Variants in ERMP1 observed in about 807,000 individuals in gnomAD.
The protein encoded by ERMP1 is endoplasmic reticulum metallopeptidase 1.
A neutral mutation model predicts 92.0 loss-of-function variants in ERMP1; 86 were observed. The observed-to-expected ratio is 0.93, with a 90% CI of 0.79 to 1.12. ERMP1 has a LOEUF of 1.12. ERMP1 is among the 50% of genes most tolerant of loss of function. The pLI, the probability that ERMP1 is intolerant of heterozygous loss-of-function variation, is 0.00. For synonymous variants in ERMP1, 530 were observed against 412.8 expected (o/e 1.28, Z -3.44); for missense variants, 1,342 against 1,116.3 (o/e 1.20, Z -2.88).
At chr9:5,822,930 G>C (rs539251591) in intron 4 of ERMP1, among the ~76,000 whole-genome samples, 3 of 152,096 alleles carry the variant, frequency 2.0e-5, no homozygotes, top group African/African-American at 7.2e-5. Context: ...TCCAATAATG[G>C]AACACTAGGC....
Position 5,830,908 on chromosome 9 carries a change from G to T in ERMP1, c.459C>A (p.Ser153Arg). Residue 153 changes from serine to arginine, a missense_variant, in exon 2 of 15, where the codon AGC (serine) becomes AGA (arginine). Transcript: ENST00000339450. ...QIKLIEVQSN[S>R]LHKISVDVQR... ...GTACATCTACTGAAATCTTATGAAG[G>T]CTGTTGCTTTGCACTTCAATCAGTT... is the stretch of plus-strand genomic sequence containing the variant. 1 of 1,614,044 alleles carries T rather than the reference G, an allele frequency of 6.2e-7. No homozygotes were observed. The highest frequency in any genetic ancestry group is 1.1e-5 in the South Asian group (1 of 91,080).
intron 11 of ERMP1, among the ~76,000 whole-genome samples, chr9:5,799,622 T>C (rs1828591921): frequency 6.6e-6 from 1 of 152,210 alleles, no homozygotes. Flanking sequence ...GAACCATTAT[T>C]TGAACATGGC....
intron 6 of ERMP1, among the ~76,000 whole-genome samples, chr9:5,842,254 TAC>T (rs1038235107): frequency 1.8e-4 from 27 of 152,192 alleles, no homozygotes; most frequent in Middle Eastern, 3.4e-3. Flanking sequence ...GGTCCGTTTT[TAC>T]AGAGTGATGA....
upstream of ERMP1, among the ~76,000 whole-genome samples, chr9:5,833,760 C>A (rs1830043620): frequency 6.6e-6 from 1 of 152,200 alleles, no homozygotes; most frequent in Non-Finnish European, 1.5e-5. Context: ...GAATGTAAAT[C>A]TAATTTCATG....
At chr9:5,804,879 A>C (rs1281312230) in intron 10 of ERMP1, 148 bp downstream of exon 10, 3 of 641,640 alleles carry the variant, frequency 4.7e-6, no homozygotes, top group Non-Finnish European at 7.8e-6. Context: ...TACCAAATTT[A>C]CAAGATGCAT....
chr9:5,855,309 C>A (rs1830359973), intron 6 of ERMP1, among the ~76,000 whole-genome samples: 1 of 152,176 alleles, frequency 6.6e-6, no homozygotes, highest in African/African-American at 2.4e-5. Flanking sequence ...CATAGTCACT[C>A]CAGACCACTG....
intron 3 of ERMP1, 105 bp downstream of exon 3, chr9:5,824,987 A>T: frequency 9.0e-7 from 1 of 1,111,424 alleles, no homozygotes; most frequent in Non-Finnish European, 1.3e-6. Context: ...TATACTACCC[A>T]CAGGAGTCAT....
chr9:5,812,971 C>A lies in ERMP1; in HGVS notation c.939G>T (p.Val313=). ...VSAAKHPFAS[V]VAQEVFQSGI... The stretch of plus-strand genomic sequence containing the variant: ...CACTCTGAAAAACCTCCTGAGCCAC[C>A]ACAGAAGCAAAAGGGTGTTTAGCTG... Residue 313 remains valine (V), a synonymous_variant, in exon 5 of 15, where the codon GTG becomes GTT. Transcript: ENST00000339450. 1 of 1,613,990 alleles carries A rather than the reference C, an allele frequency of 6.2e-7. No individual in the cohort carries two copies. Among genetic ancestry groups the A allele is most frequent in the African/African-American group, 1.3e-5 (1 of 75,014 alleles).
intron 8 of ERMP1, among the ~76,000 whole-genome samples, chr9:5,809,504 TAAAAAG>T (rs1020247569): frequency 5.9e-5 from 9 of 152,122 alleles, no homozygotes; most frequent in African/African-American, 2.2e-4. Flanking sequence ...AATATACAGT[TAAAAAG>T]AAAAAACAGT....
Position 5,787,490 on chromosome 9 carries a change from G to T in ERMP1, c.2490C>A (p.Tyr830Ter). The T allele has an allele frequency of 6.2e-7, 1 of 1,614,142 alleles. No individual in the cohort carries two copies. Among genetic ancestry groups the T allele is most frequent in the Non-Finnish European group, 8.5e-7 (1 of 1,180,000 alleles). The change falls in exon 14 of 15, where the codon TAC becomes TAA. Residue 830 changes from tyrosine to a stop codon, truncating the protein, a stop_gained. Transcript: ENST00000339450. LOFTEE classifies it high-confidence loss of function. ...GGAGTCCATGGGAGTAAAAGACAAA[G>T]TAGTCTCCTCCTTTACTTGTGACTG... is the stretch of plus-strand genomic sequence containing the variant. Reference protein sequence around the residue: ...GTPVTSKGGDYFVFYSHGLQA... With the variant: ...GTPVTSKGGD
At chr9:5,829,137 C>T (rs1829839920) in intron 2 of ERMP1, among the ~76,000 whole-genome samples, 1 of 151,282 alleles carries the variant, frequency 6.6e-6, no homozygotes, top group Non-Finnish European at 1.5e-5. Context: ...ATCGCTTAAA[C>T]CCGGGAGGCA....
intron 12 of ERMP1, among the ~76,000 whole-genome samples, chr9:5,798,546 T>C (rs1228022163): frequency 6.6e-6 from 1 of 152,066 alleles, no homozygotes. Flanking sequence ...TTATTGGCTA[T>C]TATATTAGTT....
At chr9:5,861,199 G>GTGTGTGTA (rs1554630237) in intron 5 of ERMP1, among the ~76,000 whole-genome samples, 9 of 146,540 alleles carry the variant, frequency 6.1e-5, no homozygotes, top group South Asian at 2.2e-4. Context: ...GTGTGTGTGT[G>GTGTGTGTA]TGTGTGTGTG....
At chr9:5,859,060 A>G (rs1830424516) in intron 6 of ERMP1, among the ~76,000 whole-genome samples, 2 of 152,212 alleles carry the variant, frequency 1.3e-5, no homozygotes, top group Non-Finnish European at 2.9e-5. Context: ...TTAGTAACCT[A>G]TTCCAAACAT....
chr9:5,823,454 G>A (rs1829617848), intron 4 of ERMP1, among the ~76,000 whole-genome samples: 1 of 152,018 alleles, frequency 6.6e-6, no homozygotes, highest in East Asian at 1.9e-4. Context: ...CACCCACAGT[G>A]GCTAAAAGTT....
upstream of ERMP1, among the ~76,000 whole-genome samples, chr9:5,834,422 G>A (rs566105947): frequency 2.8e-4 from 42 of 152,276 alleles, no homozygotes; most frequent in African/African-American, 9.9e-4. Flanking sequence ...CCCCACGAAG[G>A]CAGGAATCAG....
chr9:5,862,230 CT>C (rs1830521271), intron 5 of ERMP1, among the ~76,000 whole-genome samples: 1 of 151,576 alleles, frequency 6.6e-6, no homozygotes, highest in African/African-American at 2.4e-5. Flanking sequence ...TGGGATCCCC[CT>C]ATGTTGTCCA....
rs1554630171 is a variant in ERMP1 at position 5,861,170 on chromosome 9, G to GT, written n.3056-1560_3056-1559insA. Among the ~76,000 whole-genome samples, 985 of 102,126 alleles carry GT rather than the reference G, an allele frequency of 9.6e-3. 10 individuals carry two copies. The highest frequency in any genetic ancestry group is 0.017 in the South Asian group (52 of 3,012). The allele number at this position is 102,126 out of a possible 152,430, so 67.0% of individuals were successfully genotyped here. On this transcript the variant is annotated intron_variant and non_coding_transcript_variant, in intron 5 of 6. Transcript: ENST00000690753. The stretch of plus-strand genomic sequence containing the variant: ...GCAGTGAACCCACAATGGCTTAGGG[G>GT]GTGTGTGTGTGTGTGTGTGTGTGTG...
Position 5,825,138 on chromosome 9 carries a change from T to C in ERMP1, c.722A>G (p.His241Arg). Residue 241 changes from histidine to arginine, a missense_variant, in exon 3 of 15, where the codon CAT becomes CGT. His to Arg is a conservative substitution (Grantham distance 29). Coordinates refer to ENST00000339450, the MANE Select transcript of ERMP1 (RefSeq NM_024896.3). The part of the protein sequence containing the change: ...VLSTSSEALH[H>R]AVIFLFNGAE... ...ACCATTAAAGAGAAATATGACAGCA[T>C]GATGCAAGGCTTCTGAAGATGTTGA... 1 of 1,614,120 alleles carries C rather than the reference T, an allele frequency of 6.2e-7. No individual in the cohort carries two copies. Among genetic ancestry groups the C allele is most frequent in the Non-Finnish European group, 8.5e-7 (1 of 1,179,954 alleles).
Sources: allele counts gnomAD v4.1 joint callset (sites outside exome capture counted in the v4.1 genomes callset), GRCh38; gene constraint gnomAD v4.1.1; transcripts MANE v1.5; gene names NCBI Gene and HGNC (gene_info 2026-07-23, HGNC 2026-07-21).